Variants in APBB1IP observed in about 807,000 individuals in gnomAD.
APBB1IP encodes the protein amyloid beta A4 precursor protein-binding family B member 1-interacting protein.
Under a neutral mutation model 64.9 loss-of-function variants are expected in APBB1IP, and 27 were observed. The ratio of observed to expected loss-of-function variants is 0.42; its 90% CI spans 0.31 to 0.57. APBB1IP has a LOEUF of 0.57. APBB1IP is among the 20% of genes least tolerant of loss of function. APBB1IP has a pLI of 0.20. For synonymous variants in APBB1IP, 392 were observed against 331.0 expected (o/e 1.18, Z -2.00); for missense variants, 812 against 845.5 (o/e 0.96, Z 0.49).
In APBB1IP at chr10:26,567,293, G is replaced by C. The variant is rs1005531139; in HGVS notation, c.1806G>C (p.Pro602=). The C allele has an allele frequency of 2.8e-6, 3 of 1,081,020 alleles. No individual in the cohort carries two copies. The highest frequency in any genetic ancestry group is 3.4e-6 in the Non-Finnish European group (3 of 886,878). 67.0% of individuals were successfully genotyped at this position (1,081,020 alleles called of 1,614,324 possible). The change falls in exon 15 of 15, where the codon CCG becomes CCC. Residue 602 remains proline, a synonymous_variant. Transcript: ENST00000376236. ...CGGGCTCAGAGCTGCCCCCGCCGCC[G>C]CCGCCGCCGCCCGCGCCCGCGCCCG... The part of the protein sequence containing the change: ...GIAGSELPPP[P]PPPPAPAPAP...
At chr10:26,541,772 T>C in intron 11 of APBB1IP, 80 bp downstream of exon 11, 1 of 1,014,158 alleles carries the variant, frequency 9.9e-7, no homozygotes, top group Non-Finnish European at 1.4e-6. Flanking sequence ...TGTTAAATTA[T>C]AGTTAGCCAT....
intron 8 of APBB1IP, among the ~76,000 whole-genome samples, chr10:26,520,468 A>T (rs751453291): frequency 2.6e-5 from 4 of 152,360 alleles, no homozygotes; most frequent in Middle Eastern, 6.8e-3. Flanking sequence ...TTTCATTCTT[A>T]AAGTACCAAT....
chr10:26,533,114 G>A (rs758509881), intron 8 of APBB1IP, among the ~76,000 whole-genome samples: 2 of 152,148 alleles, frequency 1.3e-5, no homozygotes, highest in East Asian at 1.9e-4. Flanking sequence ...CCAGTGCCTT[G>A]GGGACTTCCA....
chr10:26,501,314 C>G (rs370839916), intron 5 of APBB1IP: 2 of 618,742 alleles, frequency 3.2e-6, no homozygotes, highest in East Asian at 5.6e-5. Flanking sequence ...TGTATTAGGG[C>G]CATATTCAGG....
At chr10:26,486,025 T>G (rs1248836120) in intron 2 of APBB1IP, among the ~76,000 whole-genome samples, 2 of 151,672 alleles carry the variant, frequency 1.3e-5, no homozygotes, top group African/African-American at 4.8e-5. Context: ...AGCCCAGGAG[T>G]TTGAGACCTG....
chr10:26,546,276 A>C (rs10741113), intron 11 of APBB1IP, among the ~76,000 whole-genome samples: 82,832 of 152,000 alleles, frequency 0.54, 22,770 homozygotes, highest in Admixed American at 0.66. Flanking sequence ...AAATAAATCT[A>C]TTTATTAACC....
chr10:26,440,201 A>C (rs1026558835), intron 2 of APBB1IP, among the ~76,000 whole-genome samples: 4 of 152,200 alleles, frequency 2.6e-5, no homozygotes, highest in African/African-American at 9.6e-5. Context: ...CCATCTAGAT[A>C]AGGATGATAT....
chr10:26,492,835 C>T (rs148668911), intron 3 of APBB1IP, among the ~76,000 whole-genome samples: 103 of 152,250 alleles, frequency 6.8e-4, no homozygotes, highest in African/African-American at 2.3e-3. Context: ...TTCCATGCCC[C>T]GCTGTGCACG....
chr10:26,452,151 C>CAAA (rs10633721), intron 2 of APBB1IP, among the ~76,000 whole-genome samples: 15 of 151,438 alleles, frequency 9.9e-5, no homozygotes, highest in African/African-American at 1.7e-4. Flanking sequence ...TATTCTTAGA[C>CAAA]AAAAAAAAGT....
At chr10:26,491,913 C>A (rs185394968) in intron 2 of APBB1IP, among the ~76,000 whole-genome samples, 4 of 152,024 alleles carry the variant, frequency 2.6e-5, no homozygotes, top group Non-Finnish European at 2.9e-5. Context: ...AGGCACGTGC[C>A]ACCACACCCA....
At chr10:26,564,774 G>A (rs943294745) in intron 14 of APBB1IP, among the ~76,000 whole-genome samples, 24 of 152,146 alleles carry the variant, frequency 1.6e-4, no homozygotes, top group African/African-American at 5.8e-4. Flanking sequence ...CTGCACTCCA[G>A]CCGTGGTGAC....
At chr10:26,545,431 C>T (rs2132472213) in intron 11 of APBB1IP, among the ~76,000 whole-genome samples, 1 of 151,832 alleles carries the variant, frequency 6.6e-6, no homozygotes, top group South Asian at 2.1e-4. Context: ...TTGAGACCAC[C>T]CTGGCCAAAA....
At chr10:26,472,590 T>TTCATTCAC (rs1835732545) in intron 2 of APBB1IP, among the ~76,000 whole-genome samples, 1 of 147,298 alleles carries the variant, frequency 6.8e-6, no homozygotes, top group South Asian at 2.1e-4. Context: ...CATTCATTCA[T>TTCATTCAC]TCATTCATTC....
chr10:26,553,284 T>C (rs1213590553), intron 11 of APBB1IP, among the ~76,000 whole-genome samples: 1 of 152,042 alleles, frequency 6.6e-6, no homozygotes, highest in Non-Finnish European at 1.5e-5. Context: ...CCTCCCAAAG[T>C]GCTGGGATTA....
intron 11 of APBB1IP, among the ~76,000 whole-genome samples, chr10:26,559,622 C>CTTT (rs368290752): frequency 2.2e-5 from 3 of 135,184 alleles, no homozygotes; most frequent in Non-Finnish European, 3.2e-5. Context: ...TTCTTTCTTT[C>CTTT]TTTTTTTTTT....
At position 26,525,181 on chromosome 10, in the gene APBB1IP, C is replaced by T. The variant is rs541325502; in HGVS notation, c.814-8258C>T. On this transcript the variant is annotated intron_variant, in intron 8 of 14. Transcript: ENST00000376236. ...CCTGTAGTCCCAGCCACTCAAGATG[C>T]TAAGGTGGGAGGATCACTTGAGCCT... is the stretch of plus-strand genomic sequence containing the variant. Among the ~76,000 whole-genome samples the T allele has an allele frequency of 1.5e-3, 227 of 151,698 alleles. 2 individuals are homozygous for T. The highest frequency in any genetic ancestry group is 2.4e-3 in the Non-Finnish European group (164 of 67,914).
chr10:26,492,330 G>A lies in APBB1IP; in HGVS notation c.4G>A (p.Gly2Ser), dbSNP rs1835965441. The A allele has an allele frequency of 2.5e-6, 4 of 1,613,586 alleles. No individual in the cohort carries two copies. The highest frequency in any genetic ancestry group is 2.7e-5 in the African/African-American group (2 of 74,972). Residue 2 changes from glycine to serine, a missense_variant, in exon 3 of 15, where the codon GGT becomes AGT. Physicochemically the swap from Gly to Ser is moderately conservative, Grantham distance 56 (BLOSUM62 0). Transcript: ENST00000376236. The part of the protein sequence containing the change: M[G>S]ESSEDIDQMF... Reference sequence around the variant, plus strand: ...TCTCAGTTTCTTCCTTTTTCAGATGGGTGAGTCAAGTGAAGACATAGACCA... The same window carrying A: ...TCTCAGTTTCTTCCTTTTTCAGATGAGTGAGTCAAGTGAAGACATAGACCA...
chr10:26,465,907 C>A (rs1472637199), intron 2 of APBB1IP, among the ~76,000 whole-genome samples: 1 of 152,192 alleles, frequency 6.6e-6, no homozygotes, highest in Non-Finnish European at 1.5e-5. Flanking sequence ...TTACACTTAT[C>A]AATTTCTGCT....
At chr10:26,496,451 T>G (rs1199372174) in intron 4 of APBB1IP, 60 bp downstream of exon 4, 4 of 1,322,066 alleles carry the variant, frequency 3.0e-6, no homozygotes, top group Non-Finnish European at 4.3e-6. Flanking sequence ...TTCAAATCAG[T>G]ATGAAACTAT....
Sources: allele counts gnomAD v4.1 joint callset (sites outside exome capture counted in the v4.1 genomes callset), GRCh38; gene constraint gnomAD v4.1.1; transcripts MANE v1.5; gene names NCBI Gene and HGNC (gene_info 2026-07-23, HGNC 2026-07-21).